Variants in NPAS3 observed in about 807,000 individuals in gnomAD.
NPAS3 encodes the protein neuronal PAS domain-containing protein 3.
Under a neutral mutation model 73.1 loss-of-function variants are expected in NPAS3, and 14 were observed. The ratio of observed to expected loss-of-function variants is 0.19; its 90% CI spans 0.13 to 0.30. The LOEUF (loss-of-function observed/expected upper bound fraction) is 0.30, where lower values mean the gene tolerates loss of function less well. NPAS3 is among the 10% of genes least tolerant of loss of function. The probability of loss-of-function intolerance (pLI) is 1.00; values close to 1 mark genes in which losing one functional copy is unlikely to be tolerated. For synonymous variants in NPAS3, 620 were observed against 541.5 expected (o/e 1.14, Z -2.01); for missense variants, 1,096 against 1,250.0 (o/e 0.88, Z 1.86).
chr14:33,712,856 A>G (rs538237605), intron 6 of NPAS3, among the ~76,000 whole-genome samples: 2 of 152,352 alleles, frequency 1.3e-5, no homozygotes, highest in Non-Finnish European at 2.9e-5. Context: ...GAGGTGTTAA[A>G]GGAAATGCTC....
chr14:33,510,938 AG>A (rs1486519463), intron 4 of NPAS3, among the ~76,000 whole-genome samples: 49 of 152,074 alleles, frequency 3.2e-4, no homozygotes, highest in African/African-American at 1.2e-3. Context: ...GCATAGGTAG[AG>A]GGGGTTAATG....
intron 4 of NPAS3, among the ~76,000 whole-genome samples, chr14:33,499,435 TA>T (rs2052403248): frequency 6.6e-6 from 1 of 151,872 alleles, no homozygotes; most frequent in Non-Finnish European, 1.5e-5. Flanking sequence ...CCACAGTGCT[TA>T]AAGATATCAT....
At chr14:33,549,485 C>A (rs1449735320) in intron 4 of NPAS3, among the ~76,000 whole-genome samples, 1 of 152,148 alleles carries the variant, frequency 6.6e-6, no homozygotes, top group East Asian at 1.9e-4. Context: ...TCGCCTGCCT[C>A]GGCCTTCTAA....
chr14:33,455,216 T>C (rs1001079923), intron 4 of NPAS3, among the ~76,000 whole-genome samples: 10 of 152,336 alleles, frequency 6.6e-5, no homozygotes, highest in African/African-American at 2.2e-4. Context: ...TTTTAAAGCA[T>C]TGATGTTTCA....
At chr14:33,085,849 CAT>C (rs996380085) in intron 2 of NPAS3, among the ~76,000 whole-genome samples, 8 of 152,136 alleles carry the variant, frequency 5.3e-5, no homozygotes, top group Non-Finnish European at 1.2e-4. Flanking sequence ...TAGTTACTTT[CAT>C]ATGAGTTAAA....
intron 4 of NPAS3, among the ~76,000 whole-genome samples, chr14:33,536,207 A>G (rs897642080): frequency 2.0e-5 from 3 of 152,230 alleles, no homozygotes; most frequent in African/African-American, 7.2e-5. Context: ...ATAAATATGT[A>G]AAGTGGATAG....
At chr14:33,094,945 G>T (rs1486619668) in intron 2 of NPAS3, among the ~76,000 whole-genome samples, 2 of 152,190 alleles carry the variant, frequency 1.3e-5, no homozygotes, top group Non-Finnish European at 2.9e-5. Flanking sequence ...TTTTCTGAAA[G>T]ATTTAATGGA....
intron 3 of NPAS3, among the ~76,000 whole-genome samples, chr14:33,333,538 T>A (rs2044081368): frequency 6.6e-6 from 1 of 152,166 alleles, no homozygotes. Context: ...TGACTTATCC[T>A]GAGGTTGTCT....
chr14:33,401,884 G>A (rs1007678053), intron 4 of NPAS3, among the ~76,000 whole-genome samples: 10 of 152,044 alleles, frequency 6.6e-5, no homozygotes, highest in African/African-American at 2.2e-4. Flanking sequence ...TAGCAGTGCA[G>A]CAGGGCACTC....
At chr14:33,667,123 G>A (rs559270734) in intron 5 of NPAS3, among the ~76,000 whole-genome samples, 175 of 152,162 alleles carry the variant, frequency 1.2e-3, no homozygotes, top group Non-Finnish European at 2.1e-3. Flanking sequence ...ATGACAGTTT[G>A]CATTCTTTTC....
In NPAS3 at chr14:33,422,638, C is replaced by G. The variant is rs550835671; in HGVS notation, c.468+55370C>G. On this transcript the variant is annotated intron_variant, in intron 4 of 11. Transcript: ENST00000356141. ...AGGGCAGAGTCCCTTTTATTCTCAT[C>G]TATCCCTAGGACCTAGAAGATTACC... 7.9e-5 allele frequency among the ~76,000 whole-genome samples: 12 copies of G among 151,902 alleles called. No homozygotes were observed. The South Asian group carries it at 1.9e-3, about 24-fold the overall frequency.
At chr14:33,375,213 T>C (rs2046262850) in intron 4 of NPAS3, among the ~76,000 whole-genome samples, 1 of 152,176 alleles carries the variant, frequency 6.6e-6, no homozygotes, top group Non-Finnish European at 1.5e-5. Flanking sequence ...GTAGTGTCTC[T>C]ATGATCCAGA....
intron 3 of NPAS3, among the ~76,000 whole-genome samples, chr14:33,290,408 G>A (rs773173241): frequency 1.4e-4 from 21 of 152,186 alleles, no homozygotes; most frequent in Admixed American, 9.8e-4. Context: ...TAGAATCTTC[G>A]AGAAAGAGGG....
intron 2 of NPAS3, among the ~76,000 whole-genome samples, chr14:33,110,779 G>A (rs942067962): frequency 4.3e-5 from 6 of 140,698 alleles, no homozygotes; most frequent in Non-Finnish European, 9.6e-5. Context: ...GGTTCAGTCC[G>A]GGGACGGGAA....
chr14:33,554,964 A>G (rs2055287897), intron 4 of NPAS3, among the ~76,000 whole-genome samples: 1 of 152,176 alleles, frequency 6.6e-6, no homozygotes, highest in Non-Finnish European at 1.5e-5. Flanking sequence ...TATGCCTTAC[A>G]CTTTATATGT....
chr14:33,741,778 G>A (rs1247765833), intron 7 of NPAS3, among the ~76,000 whole-genome samples: 1 of 152,128 alleles, frequency 6.6e-6, no homozygotes, highest in Non-Finnish European at 1.5e-5. Flanking sequence ...CAAGTATGTT[G>A]CTAACTTAAA....
intron 3 of NPAS3, among the ~76,000 whole-genome samples, chr14:33,296,908 C>T (rs1374785252): frequency 6.6e-6 from 1 of 152,184 alleles, no homozygotes; most frequent in East Asian, 1.9e-4. Context: ...AGCTCTGTTC[C>T]TCTAAGGGAC....
intron 3 of NPAS3, among the ~76,000 whole-genome samples, chr14:33,235,592 G>A (rs1053135184): frequency 7.2e-5 from 11 of 151,862 alleles, no homozygotes; most frequent in Non-Finnish European, 1.6e-4. Context: ...ATATATACAG[G>A]TGCACATATA....
At chr14:33,644,239 T>TA (rs1367380068) in intron 5 of NPAS3, among the ~76,000 whole-genome samples, 1 of 152,236 alleles carries the variant, frequency 6.6e-6, no homozygotes, top group African/African-American at 2.4e-5. Context: ...GAATATTGAC[T>TA]AAAATCTCAT....
Sources: gnomAD v4.1 joint callset for allele counts (sites outside exome capture counted in the v4.1 genomes callset) on GRCh38, gnomAD v4.1.1 for gene constraint, MANE v1.5 for transcripts, NCBI Gene and HGNC (gene_info 2026-07-23, HGNC 2026-07-21) for gene names.